Variants in SIRT2 observed in about 807,000 individuals in gnomAD.
SIRT2 encodes the protein sirtuin 2.
Under a neutral mutation model 57.4 loss-of-function variants are expected in SIRT2, and 40 were observed. The ratio of observed to expected loss-of-function variants is 0.70; its 90% CI spans 0.54 to 0.91. The LOEUF (loss-of-function observed/expected upper bound fraction) is 0.91. SIRT2 is among the 40% of genes least tolerant of loss of function. The probability of loss-of-function intolerance (pLI) is 0.00; values close to 1 mark genes in which losing one functional copy is unlikely to be tolerated. For synonymous variants in SIRT2, 161 were observed against 195.7 expected, an observed-to-expected ratio of 0.82 and a Z score of 1.48; for missense variants, 439 against 510.4, an observed-to-expected ratio of 0.86 and a Z score of 1.35.
At position 38,879,515 on chromosome 19, in the gene SIRT2, G is replaced by A. The variant is rs762138797; in HGVS notation, c.948-15C>T. ...AGGCCACGTCCCTGCGGTGCAGCAG[G>A]AGATCAGAGTTCCCAGGCGGGCTCG... On this transcript the variant is annotated splice_polypyrimidine_tract_variant and intron_variant, in intron 14 of 15. Coordinates refer to ENST00000249396, the MANE Select transcript of SIRT2 (RefSeq NM_012237.4). 6.9e-6 allele frequency: 11 copies of A among 1,599,632 alleles called. No individual in the cohort carries two copies. In the African/African-American group the frequency reaches 9.4e-5, roughly 14 times the overall value.
rs963319254 is a variant in SIRT2 at position 38,881,008 on chromosome 19, C to A, written c.747+92G>T. On this transcript the variant is annotated intron_variant, in intron 11 of 15. Transcript: ENST00000249396. ...CGCCCCCCATAGCTGGGGAGGTGACCTTTCCTGAGGCAGGGCCCAGGCTGC... is the reference window on the plus strand; with the variant it reads ...CGCCCCCCATAGCTGGGGAGGTGACATTTCCTGAGGCAGGGCCCAGGCTGC... 10 of 1,552,404 alleles carry A rather than the reference C, an allele frequency of 6.4e-6. No individual in the cohort carries two copies. In the Admixed American group the frequency reaches 1.1e-4, roughly 16 times the overall value.
At position 38,880,909 on chromosome 19, in the gene SIRT2, G is replaced by C; in HGVS notation, c.748-12C>G. On this transcript the variant is annotated splice_polypyrimidine_tract_variant and intron_variant, in intron 11 of 15. Coordinates refer to ENST00000249396, the MANE Select transcript of SIRT2 (RefSeq NM_012237.4). This position sits in a 1 kb window ranked among gnomAD's most constrained non-coding sequence, Gnocchi z 4.1. ...ACCTTCAGGAAGTCCTGCGGGGAGG[G>C]GCGTGAGCTTGGGAGCCTCCGCCCA... The C allele has an allele frequency of 6.2e-7, 1 of 1,612,734 alleles. No homozygotes were observed. Among genetic ancestry groups the C allele is most frequent in the Non-Finnish European group, 8.5e-7 (1 of 1,179,356 alleles).
chr19:38,880,606 A>T lies in SIRT2; in HGVS notation c.876+79T>A. ...GGAATGCAAAGTGCTGGGGTTCCAC[A>T]GTGGGGGTTCCCTCTGAGGAAAAGG... On this transcript the variant is annotated intron_variant, in intron 13 of 15. Transcript: ENST00000249396. The surrounding 1 kb of genome is among the most constrained non-coding windows in gnomAD (Gnocchi z 4.1). 1.0e-6 allele frequency: 1 copy of T among 970,104 alleles called. No individual in the cohort carries two copies. 60.1% of individuals were successfully genotyped at this position (970,104 alleles called of 1,614,324 possible).
intron 14 of SIRT2, 61 bp downstream of exon 14, chr19:38,879,571 G>GC: frequency 1.3e-6 from 2 of 1,554,066 alleles, no homozygotes; most frequent in Non-Finnish European, 8.7e-7. Flanking sequence ...CTGCCTTCGT[G>GC]CCCCCGCTCC....
At position 38,898,387 on chromosome 19, in the gene SIRT2, C is replaced by G; in HGVS notation, c.55G>C (p.Glu19Gln). ...CCTTTCCCCCATCTCACCTGAGCCT[C>G]CTGCACCTTCCCTGCCTGGGTCTCC... is the stretch of plus-strand genomic sequence containing the variant. ...PLETQAGKVQ[E>Q]AQDSDSDSEG... Residue 19 changes from glutamate to glutamine, a missense_variant, in exon 2 of 16, where the codon GAG becomes CAG. Glu to Gln is a conservative substitution (Grantham distance 29). Coordinates refer to ENST00000249396, the MANE Select transcript of SIRT2 (RefSeq NM_012237.4). The G allele has an allele frequency of 6.4e-7, 1 of 1,553,320 alleles. No individual in the cohort carries two copies. Among genetic ancestry groups the G allele is most frequent in the Non-Finnish European group, 8.8e-7 (1 of 1,142,262 alleles).
chr19:38,899,002 A>G (rs944156621), intron 1 of SIRT2: 5 of 190,342 alleles, frequency 2.6e-5, no homozygotes, highest in Non-Finnish European at 5.6e-5. Context: ...GGGGAGGGTT[A>G]GATTTACAAG....
chr19:38,893,318 G>A, intron 4 of SIRT2, 96 bp downstream of exon 4: 2 of 784,316 alleles, frequency 2.5e-6, no homozygotes, highest in Middle Eastern at 2.4e-4. Context: ...TACTTATAAA[G>A]AAAAGGTTTC....
intron 7 of SIRT2, 27 bp downstream of exon 7, chr19:38,889,662 T>C: frequency 1.2e-6 from 2 of 1,613,128 alleles, no homozygotes; most frequent in Non-Finnish European, 1.7e-6. Context: ...CCTTCCTGTT[T>C]CGCCCCCTGC....
intron 4 of SIRT2, chr19:38,890,457 G>A: frequency 2.7e-6 from 1 of 375,920 alleles, no homozygotes; most frequent in South Asian, 3.1e-5. Flanking sequence ...TTGGGAGGCT[G>A]AGGCAGGCGG....
At chr19:38,883,891 A>G (rs1295558034) in intron 8 of SIRT2, 135 bp from the exon 9 acceptor site, 1 of 871,422 alleles carries the variant, frequency 1.1e-6, no homozygotes, top group Middle Eastern at 2.5e-4. Flanking sequence ...GAGGAGAAGC[A>G]AGTGGCAGGG....
intron 4 of SIRT2, chr19:38,890,804 T>A (rs1249287139): frequency 6.5e-6 from 1 of 154,740 alleles, no homozygotes; most frequent in Non-Finnish European, 1.5e-5. Flanking sequence ...AATAGCTAGC[T>A]GGTGGCTGGT....
chr19:38,879,856 A>T, intron 13 of SIRT2, 154 bp from the exon 14 acceptor site: 1 of 612,266 alleles, frequency 1.6e-6, no homozygotes, highest in Non-Finnish European at 2.9e-6. Context: ...ACAAAGTTTC[A>T]CTCTTGTTGC....
intron 2 of SIRT2, 80 bp from the exon 3 acceptor site, chr19:38,893,947 G>A: frequency 6.3e-7 from 1 of 1,599,960 alleles, no homozygotes; most frequent in Non-Finnish European, 8.5e-7. Flanking sequence ...CAGGTTTGGG[G>A]AAAAGGCTGT....
chr19:38,899,412 C>T (rs1973852942), intron 1 of SIRT2, 94 bp downstream of exon 1: 5 of 1,436,430 alleles, frequency 3.5e-6, no homozygotes, highest in Non-Finnish European at 4.8e-6. Flanking sequence ...TCCCTACTTC[C>T]CGCCCCACCG....
At chr19:38,889,049 C>T in intron 8 of SIRT2, 38 bp downstream of exon 8, 2 of 1,592,986 alleles carry the variant, frequency 1.3e-6, no homozygotes, top group Non-Finnish European at 1.7e-6. Context: ...CCCGTTCCAC[C>T]CGCCCATCCT....
intron 9 of SIRT2, among the ~76,000 whole-genome samples, chr19:38,882,874 C>T (rs1422700082): frequency 1.3e-5 from 2 of 151,996 alleles, no homozygotes; most frequent in Admixed American, 6.6e-5. Flanking sequence ...TGTACACTGC[C>T]CCCAGCTGCT....
At chr19:38,888,152 T>C (rs1048047299) in intron 8 of SIRT2, among the ~76,000 whole-genome samples, 9 of 152,300 alleles carry the variant, frequency 5.9e-5, no homozygotes, top group Middle Eastern at 3.4e-3. Flanking sequence ...ATAAAACAGG[T>C]AGAGGCAGCA....
chr19:38,898,494 G>A (rs951062640), intron 1 of SIRT2, 69 bp from the exon 2 acceptor site: 110 of 824,164 alleles, frequency 1.3e-4, no homozygotes, highest in Non-Finnish European at 1.9e-4. Context: ...GGGTTCAAAT[G>A]GTCAGTGAGG....
chr19:38,897,275 A>C (rs565484811), intron 2 of SIRT2, among the ~76,000 whole-genome samples: 1 of 152,266 alleles, frequency 6.6e-6, no homozygotes, highest in Non-Finnish European at 1.5e-5. Flanking sequence ...CAGCCACCCA[A>C]TTATGGAACA....
Sources: allele counts gnomAD v4.1 joint callset (sites outside exome capture counted in the v4.1 genomes callset), GRCh38; gene constraint gnomAD v4.1.1; non-coding constraint Gnocchi (gnomAD v3.1); transcripts MANE v1.5; gene names NCBI Gene and HGNC (gene_info 2026-07-23, HGNC 2026-07-21).